PHRF1: variants seen among roughly 807,000 people sequenced by gnomAD.
The protein encoded by PHRF1 is PHD and RING finger domain-containing protein 1.
In PHRF1, 53 loss-of-function variants were observed where a neutral mutation model predicts 128.9. The ratio of observed to expected loss-of-function variants is 0.41; its 90% CI spans 0.33 to 0.52. The LOEUF (loss-of-function observed/expected upper bound fraction) is 0.52. Among genes scored for constraint, PHRF1 ranks in the 20% least tolerant of loss-of-function variants. The pLI is 0.21. For synonymous variants in PHRF1, 1,178 were observed against 980.6 expected (o/e 1.20, Z -3.76); for missense variants, 2,503 against 2,284.5 (o/e 1.10, Z -1.95).
At chr11:580,376 G>A (rs1437257128) in intron 1 of PHRF1, among the ~76,000 whole-genome samples, 1 of 152,230 alleles carries the variant, frequency 6.6e-6, no homozygotes. Context: ...ACCTTGCAGA[G>A]TGGGAAGGGC....
chr11:597,273 G>A lies in PHRF1; in HGVS notation c.719-122G>A. The A allele has an allele frequency of 7.9e-7, 1 of 1,259,580 alleles. No individual in the cohort carries two copies. Among genetic ancestry groups the A allele is most frequent in the Admixed American group, 2.4e-5 (1 of 41,568 alleles). 78.0% of individuals were successfully genotyped at this position (1,259,580 alleles called of 1,614,324 possible). ...AGCACCAGGCTCCATGAGCAGCCCTGGGTCCTGTGCACAGGTCAGCCCGAG... is the reference window on the plus strand; with the variant it reads ...AGCACCAGGCTCCATGAGCAGCCCTAGGTCCTGTGCACAGGTCAGCCCGAG... On this transcript the variant is annotated intron_variant, in intron 7 of 17. Transcript: ENST00000264555. This position sits in a 1 kb window ranked among gnomAD's most constrained non-coding sequence, Gnocchi z 6.5.
At position 591,466 on chromosome 11, in the gene PHRF1, A is replaced by G. The variant is rs1854967989; in HGVS notation, c.503A>G (p.Lys168Arg). The G allele has an allele frequency of 1.9e-6, 3 of 1,607,376 alleles. No individual in the cohort carries two copies. The highest frequency in any genetic ancestry group is 2.5e-6 in the Non-Finnish European group (3 of 1,176,944). Residue 168 changes from lysine (K) to arginine (R), a missense_variant and splice_region_variant, in exon 5 of 18, where the codon AAG (lysine) becomes AGG (arginine). Lys to Arg is a conservative substitution (Grantham distance 26). Coordinates refer to ENST00000264555, the MANE Select transcript of PHRF1 (RefSeq NM_001286581.2). ...RAQFGGKILR[K>R]IPVENTKASE... The stretch of plus-strand genomic sequence containing the variant: ...CAATTTGGTGGTAAAATCTTAAGAA[A>G]GGTGAGTGTGGACGCTGCCGTGGAG...
At chr11:576,935 G>A (rs1376280669) in intron 1 of PHRF1, among the ~76,000 whole-genome samples, 1 of 151,720 alleles carries the variant, frequency 6.6e-6, no homozygotes, top group Non-Finnish European at 1.5e-5. Context: ...CCCGTGGCCT[G>A]CGGGCGGACG....
At chr11:587,653 C>T (rs998038391) in intron 4 of PHRF1, among the ~76,000 whole-genome samples, 189 bp downstream of exon 4, 32 of 152,096 alleles carry the variant, frequency 2.1e-4, no homozygotes, top group African/African-American at 7.5e-4. Flanking sequence ...TGTGGGTGAG[C>T]TCATGTGAGG....
chr11:608,740 G>T lies in PHRF1; in HGVS notation c.3284G>T (p.Ser1095Ile). Residue 1095 changes from serine to isoleucine, a missense_variant, in exon 14 of 18, where the codon AGC becomes ATC. Ser to Ile is a moderately radical substitution (Grantham distance 142). Transcript: ENST00000264555. ...SRRTSRSRSG[S>I]PGSSSYEHYE... ...AGGACGTCCCGGTCGCGGTCGGGGA[G>T]CCCTGGCAGCTCTTCCTATGAGCAC... The T allele has an allele frequency of 1.2e-6, 2 of 1,611,458 alleles. No homozygotes were observed. Among genetic ancestry groups the T allele is most frequent in the Non-Finnish European group, 1.7e-6 (2 of 1,179,498 alleles).
chr11:582,320 A>G (rs1215968614), intron 3 of PHRF1, among the ~76,000 whole-genome samples: 2 of 147,684 alleles, frequency 1.4e-5, no homozygotes, highest in South Asian at 2.1e-4. Context: ...GCTGGAGTAC[A>G]GTGGTGCCAT....
chr11:585,065 A>G (rs1306712132), intron 3 of PHRF1, among the ~76,000 whole-genome samples: 1 of 152,170 alleles, frequency 6.6e-6, no homozygotes, highest in Admixed American at 6.5e-5. Flanking sequence ...ATGAAGAAGT[A>G]GCCAGTGGGT....
chr11:610,539 C>T lies in PHRF1; in HGVS notation c.4455C>T (p.Pro1485=). ...GCCTGCCGCCTGCCCCGGCCCAGCCCTCAAGCATCCCACCCTGCGCACTGG... is the reference window on the plus strand; with the variant it reads ...GCCTGCCGCCTGCCCCGGCCCAGCCTTCAAGCATCCCACCCTGCGCACTGG... The part of the protein sequence containing the change: ...SPGLPPAPAQ[P]SSIPPCALVS... The change falls in exon 16 of 18, where the codon CCC becomes CCT. Residue 1485 remains proline, a synonymous_variant. Transcript: ENST00000264555. 1 of 1,605,748 alleles carries T rather than the reference C, an allele frequency of 6.2e-7. No individual in the cohort carries two copies. Among genetic ancestry groups the T allele is most frequent in the Non-Finnish European group, 8.5e-7 (1 of 1,179,572 alleles).
chr11:577,256 C>G (rs1282650094), intron 1 of PHRF1, among the ~76,000 whole-genome samples: 1 of 152,206 alleles, frequency 6.6e-6, no homozygotes, highest in East Asian at 1.9e-4. Flanking sequence ...CTGGCCAGCG[C>G]CGGCAGCCGG....
In PHRF1 at chr11:608,887, A is replaced by G; in HGVS notation, c.3431A>G (p.Glu1144Gly). ...RHKHQRERSH[E>G]RPDRKESVAW... ...AAGCATCAGCGGGAACGCAGCCACG[A>G]GCGGCCAGACAGGAAGGAGAGTGTG... Residue 1144 changes from glutamate to glycine, a missense_variant, in exon 14 of 18, where the codon GAG (glutamate) becomes GGG (glycine). Transcript: ENST00000264555. 6.2e-7 allele frequency: 1 copy of G among 1,612,180 alleles called. No homozygotes were observed. Among genetic ancestry groups the G allele is most frequent in the Non-Finnish European group, 8.5e-7 (1 of 1,179,766 alleles).
rs1164748664 is a variant in PHRF1, at chr11:589,810, C to T, written c.421-1574C>T. On this transcript the variant is annotated intron_variant, in intron 4 of 17. Transcript: ENST00000264555. Reference sequence around the variant, plus strand: ...CTGAGAGGGTGTCTGCAAACGGGCACAGAGCGTGCGGGGCTCAGCCTGAGA... The same window carrying T: ...CTGAGAGGGTGTCTGCAAACGGGCATAGAGCGTGCGGGGCTCAGCCTGAGA... 5.7e-3 allele frequency among the ~76,000 whole-genome samples: 809 copies of T among 141,588 alleles called. 11 individuals carry two copies. The highest frequency in any genetic ancestry group is 0.022 in the African/African-American group (766 of 34,382). 92.9% of individuals were successfully genotyped at this position (141,588 alleles called of 152,430 possible).
Position 608,452 on chromosome 11 carries a change from C to T in PHRF1, c.2996C>T (p.Ser999Phe). The T allele has an allele frequency of 6.2e-7, 1 of 1,612,458 alleles. No homozygotes were observed. Among genetic ancestry groups the T allele is most frequent in the Non-Finnish European group, 8.5e-7 (1 of 1,179,822 alleles). The part of the protein sequence containing the change: ...PPSRSRSTSS[S>F]RSRKKAKRKR... Reference sequence around the variant, plus strand: ...TCCCGGTCCCGCTCCACATCCAGCTCCCGCAGCAGGAAGAAGGCCAAGAGG... The same window carrying T: ...TCCCGGTCCCGCTCCACATCCAGCTTCCGCAGCAGGAAGAAGGCCAAGAGG... The change falls in exon 14 of 18, where the codon TCC becomes TTC. Residue 999 changes from serine (S) to phenylalanine (F), a missense_variant. By Grantham distance (155) the Ser-to-Phe change is radical. Coordinates refer to ENST00000264555, the MANE Select transcript of PHRF1 (RefSeq NM_001286581.2).
intron 1 of PHRF1, among the ~76,000 whole-genome samples, chr11:577,682 A>T (rs1400721745): frequency 2.0e-5 from 3 of 152,230 alleles, no homozygotes; most frequent in Non-Finnish European, 4.4e-5. Flanking sequence ...GATACAGCAG[A>T]TGGTGAATAC....
chr11:608,735 G>T lies in PHRF1; in HGVS notation c.3279G>T (p.Ser1093=). The T allele has an allele frequency of 6.2e-7, 1 of 1,611,154 alleles. No homozygotes were observed. The highest frequency in any genetic ancestry group is 8.5e-7 in the Non-Finnish European group (1 of 1,179,412). Residue 1093 remains serine (S), a synonymous_variant, in exon 14 of 18, where the codon TCG becomes TCT. Transcript: ENST00000264555. ...GCCGGAGGACGTCCCGGTCGCGGTCGGGGAGCCCTGGCAGCTCTTCCTATG... is the reference window on the plus strand; with the variant it reads ...GCCGGAGGACGTCCCGGTCGCGGTCTGGGAGCCCTGGCAGCTCTTCCTATG... ...GHSRRTSRSR[S]GSPGSSSYEH...
At chr11:594,556 G>C (rs908884438) in intron 6 of PHRF1, among the ~76,000 whole-genome samples, 2 of 152,132 alleles carry the variant, frequency 1.3e-5, no homozygotes, top group African/African-American at 4.8e-5. Context: ...CTCGGTTCAA[G>C]GTTCAAGTGA....
In PHRF1 at chr11:581,983, G is replaced by C; in HGVS notation, c.116G>C (p.Ser39Thr). ...CTAGAAGAAAGCAGCGTGGGCAGCAGTGGGGACTCTGGGGACGACAGTGAC... is the reference window on the plus strand; with the variant it reads ...CTAGAAGAAAGCAGCGTGGGCAGCACTGGGGACTCTGGGGACGACAGTGAC... ...GDFEESSVGS[S>T]GDSGDDSDSE... The change falls in exon 3 of 18, where the codon AGT (serine) becomes ACT (threonine). Residue 39 changes from serine to threonine, a missense_variant. Ser to Thr is a moderately conservative substitution (Grantham distance 58, BLOSUM62 1). Transcript: ENST00000264555. The C allele has an allele frequency of 1.2e-6, 2 of 1,605,678 alleles. No individual in the cohort carries two copies. Among genetic ancestry groups the C allele is most frequent in the Non-Finnish European group, 1.7e-6 (2 of 1,176,244 alleles).
chr11:588,626 G>A (rs1391920432), intron 4 of PHRF1, among the ~76,000 whole-genome samples: 4 of 152,036 alleles, frequency 2.6e-5, no homozygotes, highest in African/African-American at 4.8e-5. Flanking sequence ...TGATCCACCC[G>A]TCTCGGCCTC....
At position 608,470 on chromosome 11, in the gene PHRF1, C is replaced by T; in HGVS notation, c.3014C>T (p.Ala1005Val). 2 of 1,612,484 alleles carry T rather than the reference C, an allele frequency of 1.2e-6. No homozygotes were observed. Among genetic ancestry groups the T allele is most frequent in the Non-Finnish European group, 8.5e-7 (1 of 1,179,838 alleles). Reference sequence around the variant, plus strand: ...TCCAGCTCCCGCAGCAGGAAGAAGGCCAAGAGGAAGAGGGTGTCCAGGGAG... The same window carrying T: ...TCCAGCTCCCGCAGCAGGAAGAAGGTCAAGAGGAAGAGGGTGTCCAGGGAG... ...STSSSRSRKKAKRKRVSREHG... is the reference protein window; with the variant it reads ...STSSSRSRKKVKRKRVSREHG... The change falls in exon 14 of 18, where the codon GCC (alanine) becomes GTC (valine). Residue 1005 changes from alanine to valine, a missense_variant. Coordinates refer to ENST00000264555, the MANE Select transcript of PHRF1 (RefSeq NM_001286581.2).
intron 3 of PHRF1, among the ~76,000 whole-genome samples, chr11:583,695 T>C (rs868133110): frequency 5.9e-5 from 9 of 152,260 alleles, no homozygotes; most frequent in Middle Eastern, 3.4e-3. Context: ...AAGTTGAGGC[T>C]GCATTCCAGC....
Sources: allele counts gnomAD v4.1 joint callset (sites outside exome capture counted in the v4.1 genomes callset), GRCh38; gene constraint gnomAD v4.1.1; non-coding constraint Gnocchi (gnomAD v3.1); transcripts MANE v1.5; gene names NCBI Gene and HGNC (gene_info 2026-07-23, HGNC 2026-07-21).